The following PTPRD variants were observed in gnomAD, a reference collection of about 807,000 sequenced individuals.
PTPRD encodes receptor-type tyrosine-protein phosphatase delta.
PTPRD carries 34 observed loss-of-function variants against 214.5 expected under a neutral mutation model. That is an observed-to-expected ratio of 0.16 (90% confidence interval 0.12 to 0.21). PTPRD has a LOEUF of 0.21. PTPRD is among the 10% of genes least tolerant of loss of function. The pLI is 1.00. For missense variants in PTPRD, 2,545 were observed against 2,398.7 expected (o/e 1.06, Z -1.27); for synonymous variants, 1,128 against 845.7 (o/e 1.33, Z -5.79).
intron 7 of PTPRD, among the ~76,000 whole-genome samples, chr9:9,659,989 C>T (rs2096591796): frequency 6.6e-6 from 1 of 151,976 alleles, no homozygotes; most frequent in Non-Finnish European, 1.5e-5. Flanking sequence ...ATGAATTTCC[C>T]TTGTATAATA....
chr9:9,624,155 G>T (rs2095340021), intron 7 of PTPRD, among the ~76,000 whole-genome samples: 2 of 152,090 alleles, frequency 1.3e-5, no homozygotes, highest in Non-Finnish European at 2.9e-5. Flanking sequence ...GATAAAGCAA[G>T]TCTTAATTGC....
intron 5 of PTPRD, among the ~76,000 whole-genome samples, chr9:9,920,751 T>C (rs1399958325): frequency 1.3e-5 from 2 of 152,116 alleles, no homozygotes; most frequent in South Asian, 2.1e-4. Flanking sequence ...TTATTCCTGC[T>C]TTTAACATAT....
Position 9,415,431 on chromosome 9 carries a change from G to A in PTPRD, c.-236-17949C>T, listed in dbSNP as rs530382146. Among the ~76,000 whole-genome samples the A allele has an allele frequency of 1.5e-4, 23 of 152,088 alleles. No individual in the cohort carries two copies. The East Asian group carries it at 2.3e-3, about 15-fold the overall frequency. On this transcript the variant is annotated intron_variant, in intron 8 of 45. Transcript: ENST00000381196. ...AGAGGTTTCAGTGAGCCAAGAATGCGCCACTGCACTCCAGCCTGGATGACA... is the reference window on the plus strand; with the variant it reads ...AGAGGTTTCAGTGAGCCAAGAATGCACCACTGCACTCCAGCCTGGATGACA...
At chr9:9,645,638 A>T (rs2096133770) in intron 7 of PTPRD, among the ~76,000 whole-genome samples, 1 of 151,790 alleles carries the variant, frequency 6.6e-6, no homozygotes, top group Non-Finnish European at 1.5e-5. Flanking sequence ...AATGCAACTC[A>T]TTTGGATTTT....
intron 30 of PTPRD, among the ~76,000 whole-genome samples, chr9:8,475,017 T>C (rs2096735399): frequency 6.6e-6 from 1 of 152,162 alleles, no homozygotes; most frequent in Admixed American, 6.5e-5. Flanking sequence ...ATATGTGTCA[T>C]ATAGAGAACA....
rs1851422698 is a variant in PTPRD at position 8,340,478 on chromosome 9, C to T, written c.5127-9G>A. The stretch of plus-strand genomic sequence containing the variant: ...TGTAGGCTTTCTGTTGTCTGAATTA[C>T]AGAGAATGAAAAGAATGTGTTAAAG... On this transcript the variant is annotated splice_polypyrimidine_tract_variant and intron_variant, in intron 41 of 45. Coordinates refer to ENST00000381196, the MANE Select transcript of PTPRD (RefSeq NM_002839.4). The T allele has an allele frequency of 6.4e-7, 1 of 1,567,302 alleles. No individual in the cohort carries two copies. Among genetic ancestry groups the T allele is most frequent in the East Asian group, 2.3e-5 (1 of 44,370 alleles).
chr9:8,900,174 T>C (rs1202309814), intron 11 of PTPRD, among the ~76,000 whole-genome samples: 1 of 152,176 alleles, frequency 6.6e-6, no homozygotes, highest in Admixed American at 6.5e-5. Flanking sequence ...TGATATTTCA[T>C]AAAATAATTA....
chr9:8,980,341 A>ATTG (rs2099304081), intron 11 of PTPRD, among the ~76,000 whole-genome samples: 2 of 152,140 alleles, frequency 1.3e-5, no homozygotes, highest in Admixed American at 1.3e-4. Flanking sequence ...AGTTAATAAA[A>ATTG]TTGTATTATA....
chr9:10,321,095 C>T (rs1012150629), intron 3 of PTPRD, among the ~76,000 whole-genome samples: 1 of 151,940 alleles, frequency 6.6e-6, no homozygotes, highest in African/African-American at 2.4e-5. Context: ...AACAAGATAG[C>T]CTCCATTCTC....
In PTPRD at chr9:9,694,434, C is replaced by T. The variant is rs115930862; in HGVS notation, c.-287+40099G>A. On this transcript the variant is annotated intron_variant, in intron 7 of 45. Coordinates refer to ENST00000381196, the MANE Select transcript of PTPRD (RefSeq NM_002839.4). ...TGGAGTCTCTCTCTCTGTAGTGAGCCACCTGGAATGGGCAGGTGTGTTGAT... is the reference window on the plus strand; with the variant it reads ...TGGAGTCTCTCTCTCTGTAGTGAGCTACCTGGAATGGGCAGGTGTGTTGAT... Among the ~76,000 whole-genome samples the T allele has an allele frequency of 6.1e-3, 927 of 152,044 alleles. 11 individuals are homozygous for T. Among genetic ancestry groups the T allele is most frequent in the African/African-American group, 0.022 (901 of 41,464 alleles).
At chr9:8,629,011 T>C (rs887740808) in intron 14 of PTPRD, among the ~76,000 whole-genome samples, 59 of 151,772 alleles carry the variant, frequency 3.9e-4, no homozygotes, top group Non-Finnish European at 1.6e-4. Flanking sequence ...GGCAGTGCTA[T>C]TTGAGAACAG....
rs573133732 is a variant in PTPRD at position 9,335,277 on chromosome 9, A to G, written c.-203+62172T>C. Reference sequence around the variant, plus strand: ...ATCCCCAGTTGAATTACTCATCACCAATCTGATCATTCTTCCATAATTAGA... The same window carrying G: ...ATCCCCAGTTGAATTACTCATCACCGATCTGATCATTCTTCCATAATTAGA... On this transcript the variant is annotated intron_variant, in intron 9 of 45. Coordinates refer to ENST00000381196, the MANE Select transcript of PTPRD (RefSeq NM_002839.4). 2.0e-5 allele frequency among the ~76,000 whole-genome samples: 3 copies of G among 152,050 alleles called. No homozygotes were observed. In the South Asian group the frequency reaches 6.2e-4, roughly 31 times the overall value.
intron 11 of PTPRD, among the ~76,000 whole-genome samples, chr9:8,967,009 A>C (rs2099200259): frequency 6.6e-6 from 1 of 152,162 alleles, no homozygotes; most frequent in African/African-American, 2.4e-5. Flanking sequence ...ACTTCTTAAA[A>C]GAAGACACAC....
intron 2 of PTPRD, among the ~76,000 whole-genome samples, chr9:10,593,246 T>A (rs954070967): frequency 6.6e-5 from 10 of 152,064 alleles, no homozygotes; most frequent in South Asian, 2.1e-4. Context: ...ATTCAAACAG[T>A]CTGGGGTCAG....
Position 9,777,267 on chromosome 9 carries a change from A to C in PTPRD, c.-367-10416T>G, listed in dbSNP as rs184223416. ...TGGAGGAGAAAAATCTTTCATAAAT[A>C]TCTGGTACCACTTTCCTCTGAAGCA... is the stretch of plus-strand genomic sequence containing the variant. On this transcript the variant is annotated intron_variant, in intron 5 of 45. Transcript: ENST00000381196. 8.5e-5 allele frequency among the ~76,000 whole-genome samples: 13 copies of C among 152,222 alleles called. No homozygotes were observed. In the East Asian group the frequency reaches 2.5e-3, roughly 29 times the overall value.
intron 9 of PTPRD, among the ~76,000 whole-genome samples, chr9:9,324,468 G>C (rs10977663): frequency 3.3e-5 from 5 of 152,052 alleles, no homozygotes; most frequent in Non-Finnish European, 4.4e-5. Flanking sequence ...TCATGTGTCT[G>C]TTGGCTGCAT....
At chr9:10,543,495 CACACACACACAAACACACACACACGT>C (rs1181539519) in intron 2 of PTPRD, among the ~76,000 whole-genome samples, 1 of 151,234 alleles carries the variant, frequency 6.6e-6, no homozygotes, top group Admixed American at 6.6e-5. Flanking sequence ...CACACACACA[CACACACACACAAACACACACACACGT>C]ACACACACAC....
At chr9:9,285,201 T>G (rs1948983207) in intron 9 of PTPRD, among the ~76,000 whole-genome samples, 1 of 151,798 alleles carries the variant, frequency 6.6e-6, no homozygotes, top group Non-Finnish European at 1.5e-5. Flanking sequence ...TCTTCCTCTA[T>G]ATGTTCTGAA....
At chr9:9,135,137 C>T (rs554083351) in intron 10 of PTPRD, among the ~76,000 whole-genome samples, 2 of 152,198 alleles carry the variant, frequency 1.3e-5, no homozygotes, top group East Asian at 1.9e-4. Context: ...TATAACTTTA[C>T]CTAAGTTTAA....
Sources: allele counts gnomAD v4.1 joint callset (sites outside exome capture counted in the v4.1 genomes callset), GRCh38; gene constraint gnomAD v4.1.1; transcripts MANE v1.5; gene names NCBI Gene and HGNC (gene_info 2026-07-23, HGNC 2026-07-21).